Variants in RBFOX1 observed in about 807,000 individuals in gnomAD.
RBFOX1 encodes the protein RNA binding fox-1 homolog 1.
In RBFOX1, 8 loss-of-function variants were observed where a neutral mutation model predicts 57.7. The ratio of observed to expected loss-of-function variants is 0.14; its 90% CI spans 0.08 to 0.25. The LOEUF (loss-of-function observed/expected upper bound fraction) is 0.25. RBFOX1 is among the 10% of genes least tolerant of loss of function. The pLI is 1.00. For synonymous variants in RBFOX1, 326 were observed against 222.4 expected, an observed-to-expected ratio of 1.47 and a Z score of -4.15; for missense variants, 611 against 548.5, an observed-to-expected ratio of 1.11 and a Z score of -1.14.
chr16:6,597,917 G>A (rs1191130934), intron 2 of RBFOX1, among the ~76,000 whole-genome samples: 1 of 152,214 alleles, frequency 6.6e-6, no homozygotes, highest in East Asian at 1.9e-4. Context: ...CATTTGTTGG[G>A]CTAAAGAGGG....
intron 1 of RBFOX1, among the ~76,000 whole-genome samples, chr16:6,212,877 TA>T (rs921470869): frequency 1.3e-5 from 2 of 151,902 alleles, no homozygotes; most frequent in Admixed American, 6.6e-5. Flanking sequence ...AGACCAATAG[TA>T]AAAAAAAGTC....
chr16:6,935,722 C>G (rs529061495), intron 3 of RBFOX1, among the ~76,000 whole-genome samples: 2 of 152,112 alleles, frequency 1.3e-5, no homozygotes, highest in African/African-American at 4.8e-5. Flanking sequence ...GGCAGCTAAG[C>G]GAGACATCTT....
intron 1 of RBFOX1, among the ~76,000 whole-genome samples, chr16:6,167,719 G>C (rs1277390137): frequency 6.6e-6 from 1 of 152,102 alleles, no homozygotes; most frequent in Non-Finnish European, 1.5e-5. Flanking sequence ...TCAGCAATCT[G>C]CTTGAAGGTC....
At chr16:6,818,363 C>G (rs187745041) in intron 3 of RBFOX1, among the ~76,000 whole-genome samples, 8 of 152,182 alleles carry the variant, frequency 5.3e-5, no homozygotes, top group African/African-American at 1.7e-4. Flanking sequence ...ACCCATCCCA[C>G]AAGTGGGACT....
chr16:7,455,108 G>C (rs2058235660), intron 4 of RBFOX1, among the ~76,000 whole-genome samples: 1 of 152,168 alleles, frequency 6.6e-6, no homozygotes, highest in Non-Finnish European at 1.5e-5. Flanking sequence ...TGTATTTTCT[G>C]CCATCTTGAA....
intron 3 of RBFOX1, among the ~76,000 whole-genome samples, chr16:5,658,394 C>T (rs996226410): frequency 6.6e-6 from 1 of 152,140 alleles, no homozygotes; most frequent in South Asian, 2.1e-4. Flanking sequence ...CCTTGAGTGG[C>T]CACGTTCCAG....
intron 1 of RBFOX1, among the ~76,000 whole-genome samples, chr16:6,088,497 C>G (rs1417255570): frequency 6.6e-6 from 1 of 150,990 alleles, no homozygotes; most frequent in Non-Finnish European, 1.5e-5. Flanking sequence ...TGCATCCTCC[C>G]TCCCTTCCTT....
At chr16:6,082,398 C>G (rs908215096) in intron 1 of RBFOX1, among the ~76,000 whole-genome samples, 6 of 108,298 alleles carry the variant, frequency 5.5e-5, no homozygotes, top group Non-Finnish European at 1.0e-4. Flanking sequence ...GTCATGGGGT[C>G]TCACCAGGCT....
At chr16:6,972,591 G>T (rs959808064) in intron 3 of RBFOX1, among the ~76,000 whole-genome samples, 5 of 152,156 alleles carry the variant, frequency 3.3e-5, no homozygotes, top group South Asian at 2.1e-4. Flanking sequence ...TGATTGGAAT[G>T]TTCTGGGAGA....
chr16:7,695,649 C>CAAAA (rs34363093), intron 14 of RBFOX1, among the ~76,000 whole-genome samples: 79 of 98,314 alleles, frequency 8.0e-4, no homozygotes, highest in East Asian at 2.1e-3. Context: ...AAGCCTCCAT[C>CAAAA]AAAAAAAAAA....
Position 7,547,479 on chromosome 16 carries a change from G to A in RBFOX1, c.270+29090G>A, listed in dbSNP as rs74010598. On this transcript the variant is annotated intron_variant, in intron 5 of 15. Coordinates refer to ENST00000550418, the MANE Select transcript of RBFOX1 (RefSeq NM_018723.4). ...GAAAGAAGAAAATGATCATCTGACTGGGGCATTTAGTCCCTTCTGCAAGCT... is the reference window on the plus strand; with the variant it reads ...GAAAGAAGAAAATGATCATCTGACTAGGGCATTTAGTCCCTTCTGCAAGCT... Among the ~76,000 whole-genome samples the A allele has an allele frequency of 1.6e-3, 238 of 152,266 alleles. 1 individual carries two copies. The highest frequency in any genetic ancestry group is 5.6e-3 in the African/African-American group (234 of 41,550).
chr16:6,880,130 G>A (rs546226391), intron 3 of RBFOX1, among the ~76,000 whole-genome samples: 7 of 152,268 alleles, frequency 4.6e-5, no homozygotes, highest in African/African-American at 1.7e-4. Context: ...TCTTGTCAGT[G>A]GCTGGTGTTA....
At chr16:6,464,773 A>G (rs914600580) in intron 2 of RBFOX1, among the ~76,000 whole-genome samples, 50 of 152,238 alleles carry the variant, frequency 3.3e-4, no homozygotes, top group Non-Finnish European at 1.8e-4. Context: ...GAGCTACAGC[A>G]TTAATCACTT....
chr16:7,441,557 C>T (rs573838230), intron 4 of RBFOX1, among the ~76,000 whole-genome samples: 1 of 148,222 alleles, frequency 6.7e-6, no homozygotes, highest in East Asian at 2.0e-4. Flanking sequence ...GGCTTGTAAA[C>T]CTGAAATCTA....
At chr16:6,601,372 T>C (rs767071750) in intron 2 of RBFOX1, among the ~76,000 whole-genome samples, 5 of 152,252 alleles carry the variant, frequency 3.3e-5, no homozygotes, top group Non-Finnish European at 4.4e-5. Flanking sequence ...TTAATGGAGA[T>C]GAAGGTGAGA....
At chr16:5,827,885 CCA>C (rs2056123257) in intron 3 of RBFOX1, among the ~76,000 whole-genome samples, 1 of 148,588 alleles carries the variant, frequency 6.7e-6, no homozygotes, top group African/African-American at 2.5e-5. Flanking sequence ...ATCCATCCAT[CCA>C]TCCATCCATC....
At chr16:7,169,933 C>A (rs2080347490) in intron 4 of RBFOX1, among the ~76,000 whole-genome samples, 1 of 152,032 alleles carries the variant, frequency 6.6e-6, no homozygotes, top group African/African-American at 2.4e-5. Context: ...AATAGCTGGG[C>A]ATGGTGACAC....
chr16:6,256,799 A>T (rs1347259314), intron 1 of RBFOX1, among the ~76,000 whole-genome samples: 4 of 152,166 alleles, frequency 2.6e-5, no homozygotes, highest in African/African-American at 9.7e-5. Flanking sequence ...CCTGGGAAGA[A>T]AATCACCTTT....
intron 1 of RBFOX1, among the ~76,000 whole-genome samples, chr16:5,264,304 G>A (rs569136764): frequency 9.2e-5 from 14 of 152,334 alleles, no homozygotes; most frequent in Middle Eastern, 3.4e-3. Context: ...GGATGCTGCA[G>A]TTGGATGTCT....
Sources: gnomAD v4.1 joint callset for allele counts (sites outside exome capture counted in the v4.1 genomes callset) on GRCh38, gnomAD v4.1.1 for gene constraint, MANE v1.5 for transcripts, NCBI Gene and HGNC (gene_info 2026-07-23, HGNC 2026-07-21) for gene names.